PCDHA1: variants seen among roughly 807,000 people sequenced by gnomAD.
PCDHA1 encodes protocadherin alpha-1.
A neutral mutation model predicts 61.3 loss-of-function variants in PCDHA1; 42 were observed. The observed-to-expected ratio is 0.69, with a 90% CI of 0.54 to 0.89. The LOEUF is 0.89. PCDHA1 is among the 40% of genes least tolerant of loss of function. The pLI, the probability that PCDHA1 is intolerant of heterozygous loss-of-function variation, is 0.00. For synonymous variants in PCDHA1, 610 were observed against 553.8 expected, an observed-to-expected ratio of 1.10 and a Z score of -1.43; for missense variants, 1,256 against 1,235.3, an observed-to-expected ratio of 1.02 and a Z score of -0.25.
At chr5:140,822,436 C>A in intron 1 of PCDHA1, 1 of 1,613,874 alleles carries the variant, frequency 6.2e-7, no homozygotes, top group South Asian at 1.1e-5. Context: ...AAAACCCGAA[C>A]TAACAGGTAC....
chr5:140,991,635 T>C (rs1215420696), intron 3 of PCDHA1, among the ~76,000 whole-genome samples: 1 of 152,220 alleles, frequency 6.6e-6, no homozygotes, highest in East Asian at 1.9e-4. Flanking sequence ...GTAATAACAA[T>C]CTGTTCATGA....
At chr5:140,801,518 G>T in intron 1 of PCDHA1, 1 of 1,614,214 alleles carries the variant, frequency 6.2e-7, no homozygotes, top group Non-Finnish European at 8.5e-7. Flanking sequence ...TCCACCTGGA[G>T]GTGATCGTGG....
At chr5:140,986,696 C>G (rs2097209947) in intron 3 of PCDHA1, among the ~76,000 whole-genome samples, 2 of 152,130 alleles carry the variant, frequency 1.3e-5, no homozygotes, top group South Asian at 2.1e-4. Context: ...TCAAAACACA[C>G]AGCACTGCAG....
intron 1 of PCDHA1, chr5:140,807,354 T>C (rs918123295): frequency 1.2e-6 from 2 of 1,610,696 alleles, no homozygotes; most frequent in African/African-American, 2.7e-5. Flanking sequence ...GGACTGGAGC[T>C]GGCGGAGCTG....
intron 1 of PCDHA1, among the ~76,000 whole-genome samples, chr5:140,923,970 C>T (rs2081601306): frequency 2.6e-5 from 4 of 152,220 alleles, no homozygotes; most frequent in Admixed American, 2.6e-4. Flanking sequence ...TATACCCACA[C>T]ATACTATCCC....
chr5:140,943,581 G>A (rs1022140100), intron 1 of PCDHA1, among the ~76,000 whole-genome samples: 1 of 152,168 alleles, frequency 6.6e-6, no homozygotes, highest in Non-Finnish European at 1.5e-5. Flanking sequence ...GTTGATCTGA[G>A]TGGGGCTGAA....
Position 140,969,193 on chromosome 5 carries a change from C to T in PCDHA1, c.2395-9756C>T, listed in dbSNP as rs1232655466. The T allele has an allele frequency of 8.1e-6, 13 of 1,614,002 alleles. No homozygotes were observed. In the African/African-American group the frequency reaches 1.2e-4, roughly 15 times the overall value. ...CAGGGAGTGACACTTTCATGTTTTA[C>T]AATACAGGGGCCCAGACAGGACCAG... is the stretch of plus-strand genomic sequence containing the variant. On this transcript the variant is annotated intron_variant, in intron 1 of 3. Transcript: ENST00000504120.
At chr5:140,907,913 C>T (rs2073688326) in intron 1 of PCDHA1, among the ~76,000 whole-genome samples, 1 of 152,234 alleles carries the variant, frequency 6.6e-6, no homozygotes, top group Non-Finnish European at 1.5e-5. Context: ...TTTTTGACCA[C>T]TCAGAGAGGT....
chr5:140,805,329 G>A, intron 1 of PCDHA1: 1 of 1,245,960 alleles, frequency 8.0e-7, no homozygotes. Flanking sequence ...TGTGCTTGAT[G>A]TCAATGATCA....
chr5:140,884,396 C>CT, intron 1 of PCDHA1: 1 of 1,614,012 alleles, frequency 6.2e-7, no homozygotes, highest in South Asian at 1.1e-5. Flanking sequence ...GGTGTCCAGC[C>CT]TGTTGGTGCT....
chr5:140,877,697 C>T (rs2057290837), intron 1 of PCDHA1: 15 of 1,613,794 alleles, frequency 9.3e-6, no homozygotes, highest in Non-Finnish European at 1.3e-5. Flanking sequence ...CTGGTGTGCT[C>T]CAGCGCCGTG....
chr5:140,994,142 G>A (rs550428204), intron 3 of PCDHA1, among the ~76,000 whole-genome samples: 21 of 152,298 alleles, frequency 1.4e-4, no homozygotes, highest in South Asian at 4.1e-4. Context: ...AATGCCCTAC[G>A]TAGGTAGGGT....
chr5:140,867,947 C>T (rs1197822100), intron 1 of PCDHA1: 3 of 152,114 alleles, frequency 2.0e-5, no homozygotes, highest in East Asian at 1.9e-4. Context: ...TGAACTTCTG[C>T]TCCCAAACCC....
chr5:140,829,496 C>T lies in PCDHA1; in HGVS notation c.2394+40812C>T, dbSNP rs2150168834. 4.3e-6 allele frequency: 7 copies of T among 1,613,648 alleles called. No homozygotes were observed. The Admixed American group carries it at 1.2e-4, about 27-fold the overall frequency. ...CACAGTGTTCGTGAAGGAGAACAACCCGCCGGGCTGCCACATCTTCACGGT... is the reference window on the plus strand; with the variant it reads ...CACAGTGTTCGTGAAGGAGAACAACTCGCCGGGCTGCCACATCTTCACGGT... On this transcript the variant is annotated intron_variant, in intron 1 of 3. Coordinates refer to ENST00000504120, the MANE Select transcript of PCDHA1 (RefSeq NM_018900.4).
intron 1 of PCDHA1, chr5:140,807,885 T>G: frequency 6.2e-7 from 1 of 1,614,096 alleles, no homozygotes; most frequent in Non-Finnish European, 8.5e-7. Context: ...ATCACAGTAC[T>G]GGATGCCAAT....
intron 1 of PCDHA1, chr5:140,808,203 A>C (rs1554124450): frequency 6.2e-7 from 1 of 1,614,250 alleles, no homozygotes; most frequent in Admixed American, 1.7e-5. Flanking sequence ...GTTATTGTGG[A>C]AGTAGAAGAC....
intron 1 of PCDHA1, among the ~76,000 whole-genome samples, chr5:140,840,665 CA>C (rs1776810280): frequency 6.6e-6 from 1 of 151,998 alleles, no homozygotes; most frequent in Admixed American, 6.6e-5. Flanking sequence ...TATGCACATA[CA>C]TTTTTATTAC....
rs2150346065 is a variant in PCDHA1, at chr5:140,842,843, A to G, written c.2394+54159A>G. On this transcript the variant is annotated intron_variant, in intron 1 of 3. Coordinates refer to ENST00000504120, the MANE Select transcript of PCDHA1 (RefSeq NM_018900.4). ...GGGCGAGCGCTCGCTGTCGAGCTAC[A>G]TTTCGGTGCACACGGAGAGCGGCAA... 1.1e-5 allele frequency: 17 copies of G among 1,593,618 alleles called. 1 individual carries two copies. The South Asian group carries it at 1.8e-4, about 17-fold the overall frequency.
Position 140,925,879 on chromosome 5 carries a change from C to A in PCDHA1, c.2395-53070C>A, listed in dbSNP as rs138501139. Reference sequence around the variant, plus strand: ...GTTATTGCTATTGACTGGTTTATAACCTCCTCTTTCACCCAGATCGTCAAG... The same window carrying A: ...GTTATTGCTATTGACTGGTTTATAAACTCCTCTTTCACCCAGATCGTCAAG... On this transcript the variant is annotated intron_variant, in intron 1 of 3. Coordinates refer to ENST00000504120, the MANE Select transcript of PCDHA1 (RefSeq NM_018900.4). Among the ~76,000 whole-genome samples, 60 of 152,212 alleles carry A rather than the reference C, an allele frequency of 3.9e-4. No individual in the cohort carries two copies. In the East Asian group the frequency reaches 7.4e-3, roughly 19 times the overall value.
Sources: allele counts gnomAD v4.1 joint callset (sites outside exome capture counted in the v4.1 genomes callset), GRCh38; gene constraint gnomAD v4.1.1; transcripts MANE v1.5; gene names NCBI Gene and HGNC (gene_info 2026-07-23, HGNC 2026-07-21).